Variants in GPN3 observed in about 807,000 individuals in gnomAD.
The protein encoded by GPN3 is GPN-loop GTPase 3, also known as ATP-binding domain 1 family member C.
Under a neutral mutation model 38.7 loss-of-function variants are expected in GPN3, and 31 were observed. The observed-to-expected ratio is 0.80, with a 90% CI of 0.60 to 1.08. GPN3 has a LOEUF of 1.08. Among genes scored for constraint, GPN3 ranks in the 50% least tolerant of loss-of-function variants. The pLI, the probability that GPN3 is intolerant of heterozygous loss-of-function variation, is 0.00. For missense variants in GPN3, 301 were observed against 354.4 expected, an observed-to-expected ratio of 0.85 and a Z score of 1.21; for synonymous variants, 116 against 120.2, an observed-to-expected ratio of 0.96 and a Z score of 0.23.
intron 1 of GPN3, 67 bp from the exon 2 acceptor site, chr12:110,465,281 A>G (rs2062619685): frequency 6.7e-6 from 6 of 894,136 alleles, no homozygotes; most frequent in Non-Finnish European, 9.5e-6. Flanking sequence ...CATACTCTGG[A>G]ATACTATCCA....
At chr12:110,456,691 CTTT>C (rs61183219) in intron 4 of GPN3, among the ~76,000 whole-genome samples, 3 of 141,322 alleles carry the variant, frequency 2.1e-5, no homozygotes, top group African/African-American at 5.2e-5. Flanking sequence ...ACTACTTCCT[CTTT>C]TTTTTTTTTT....
At chr12:110,456,329 CAAA>C (rs59734369) in intron 4 of GPN3, among the ~76,000 whole-genome samples, 5 of 67,058 alleles carry the variant, frequency 7.5e-5, no homozygotes, top group African/African-American at 1.9e-4. Context: ...AACTTGGTCT[CAAA>C]AAAAAAAAAA....
Position 110,459,753 on chromosome 12 carries a change from G to A in GPN3, c.267C>T (p.Asp89=), listed in dbSNP as rs11541440. 9.5e-3 allele frequency: 15,334 copies of A among 1,612,644 alleles called. 91 individuals carry two copies. Among genetic ancestry groups the A allele is most frequent in the Non-Finnish European group, 0.012 (13,642 of 1,178,628 alleles). ...FCMEYFANNF[D]WLENCLGHVE... ...CATGGCCAAGACAGTTCTCCAGCCA[G>A]TCAAAATTATTGGCAAAGTACTCCA... Residue 89 remains aspartate (D), a synonymous_variant, in exon 3 of 8, where the codon GAC becomes GAT. Transcript: ENST00000228827.
chr12:110,463,628 A>G (rs2062607249), intron 2 of GPN3, among the ~76,000 whole-genome samples: 1 of 134,798 alleles, frequency 7.4e-6, no homozygotes, highest in African/African-American at 3.1e-5. Context: ...AAAAAAAAAA[A>G]AAAAAAAAAA....
rs558749982 is a variant in GPN3 at position 110,458,638 on chromosome 12, G to T, written c.326-1004C>A. 2.0e-5 allele frequency among the ~76,000 whole-genome samples: 3 copies of T among 152,046 alleles called. 1 individual carries two copies. The highest frequency in any genetic ancestry group is 7.2e-5 in the African/African-American group (3 of 41,450). On this transcript the variant is annotated intron_variant, in intron 3 of 7. Transcript: ENST00000228827. The surrounding 1 kb of genome is among the most constrained non-coding windows in gnomAD (Gnocchi z 4.4). ...TCTACTAAAAATACAAAAATAGCCGGGTGTGGTGGTGGGTGCCTGTAATCC... is the reference window on the plus strand; with the variant it reads ...TCTACTAAAAATACAAAAATAGCCGTGTGTGGTGGTGGGTGCCTGTAATCC...
chr12:110,465,992 G>A (rs1368695644), intron 1 of GPN3, among the ~76,000 whole-genome samples: 2 of 151,684 alleles, frequency 1.3e-5, no homozygotes, highest in Non-Finnish European at 2.9e-5. Flanking sequence ...CAGGAGAATC[G>A]CTTGAACCCG....
chr12:110,468,258 G>A, upstream of GPN3: 3 of 1,603,584 alleles, frequency 1.9e-6, no homozygotes, highest in Non-Finnish European at 1.7e-6. Context: ...GACGCCCACT[G>A]AGCTCCGGGA....
intron 4 of GPN3, among the ~76,000 whole-genome samples, chr12:110,457,236 T>C (rs1442722635): frequency 6.6e-6 from 1 of 151,452 alleles, no homozygotes; most frequent in African/African-American, 2.4e-5. Context: ...ACTTGATGTT[T>C]GAGGTCAGGA....
chr12:110,467,603 G>C (rs1185198575), intron 1 of GPN3, among the ~76,000 whole-genome samples: 1 of 152,200 alleles, frequency 6.6e-6, no homozygotes, highest in East Asian at 1.9e-4. Flanking sequence ...TAAATGCGAA[G>C]TTGAGAACTG....
chr12:110,455,778 C>T (rs967290931), intron 5 of GPN3, 37 bp downstream of exon 5: 4 of 1,179,280 alleles, frequency 3.4e-6, no homozygotes, highest in Non-Finnish European at 5.1e-6. Flanking sequence ...ATCTCTGCAA[C>T]TGAGATCTGA....
intron 2 of GPN3, chr12:110,461,221 G>A: frequency 1.6e-6 from 2 of 1,273,740 alleles, no homozygotes; most frequent in Non-Finnish European, 2.3e-6. Flanking sequence ...AAGGAATAAG[G>A]AATGTCCCAT....
rs1022532095 is a variant in GPN3 at position 110,457,461 on chromosome 12, A to C, written c.450+49T>G. The C allele has an allele frequency of 1.2e-3, 1,055 of 846,634 alleles. 1 individual carries two copies. In the East Asian group the frequency reaches 0.013, roughly 10 times the overall value. 52.4% of individuals were successfully genotyped at this position (846,634 alleles called of 1,614,324 possible). A position where few individuals can be genotyped will look rare whatever the true frequency, so the allele number is the denominator to read the frequency against. ...AGTAAGACTCTGTCACACACACAAA[A>C]AAAAAAAAAAAAAAAAAAAAAAAAT... On this transcript the variant is annotated intron_variant, in intron 4 of 7. Coordinates refer to ENST00000228827, the MANE Select transcript of GPN3 (RefSeq NM_016301.4).
At chr12:110,461,306 A>C in intron 2 of GPN3, 1 of 1,188,952 alleles carries the variant, frequency 8.4e-7, no homozygotes, top group Admixed American at 1.7e-5. Context: ...TACTTTGGTT[A>C]CCTATGTACC....
chr12:110,456,500 A>G (rs2062550819), intron 4 of GPN3, among the ~76,000 whole-genome samples: 1 of 152,198 alleles, frequency 6.6e-6, no homozygotes, highest in African/African-American at 2.4e-5. Flanking sequence ...TATAGATAAC[A>G]TACAGTGATC....
intron 2 of GPN3, among the ~76,000 whole-genome samples, chr12:110,464,556 C>T (rs939523136): frequency 6.7e-6 from 1 of 149,108 alleles, no homozygotes; most frequent in Non-Finnish European, 1.5e-5. Flanking sequence ...ACAAAAGGGA[C>T]AGAATGAAAG....
At chr12:110,461,175 G>A (rs1041855895) in intron 2 of GPN3, 60 of 1,282,602 alleles carry the variant, frequency 4.7e-5, no homozygotes, top group Admixed American at 6.7e-5. Context: ...CCAGATGTGC[G>A]CATTGATACC....
At position 110,452,929 on chromosome 12, in the gene GPN3, T is replaced by C; in HGVS notation, c.*105A>G. 2.8e-6 allele frequency: 2 copies of C among 723,340 alleles called. No homozygotes were observed. The highest frequency in any genetic ancestry group is 3.0e-5 in the South Asian group (2 of 66,420). 44.8% of individuals were successfully genotyped at this position (723,340 alleles called of 1,614,324 possible). ...GCTGATAAAGAACGAAGTTTTACTT[T>C]TTTTCATTAAAATAAGTAGCTTTCT... On this transcript the variant is annotated 3_prime_UTR_variant, in exon 8 of 8. Coordinates refer to ENST00000228827, the MANE Select transcript of GPN3 (RefSeq NM_016301.4).
chr12:110,460,789 GC>G (rs1318863371), intron 2 of GPN3, among the ~76,000 whole-genome samples: 2 of 152,092 alleles, frequency 1.3e-5, no homozygotes, highest in African/African-American at 2.4e-5. Flanking sequence ...ACATGGTGAA[GC>G]CCCATCTCTA....
chr12:110,453,135 T>C (rs1325311389), intron 7 of GPN3, 39 bp from the exon 8 acceptor site: 1 of 972,578 alleles, frequency 1.0e-6, no homozygotes, highest in Non-Finnish European at 1.7e-6. Context: ...ATATATTCAT[T>C]TCCCCTCAGT....
Sources: gnomAD v4.1 joint callset for allele counts (sites outside exome capture counted in the v4.1 genomes callset) on GRCh38, gnomAD v4.1.1 for gene constraint, Gnocchi (gnomAD v3.1) non-coding constraint, MANE v1.5 for transcripts, NCBI Gene and HGNC (gene_info 2026-07-23, HGNC 2026-07-21) for gene names.